TMEM135: variants seen among roughly 807,000 people sequenced by gnomAD.
TMEM135 encodes the protein transmembrane protein 135, also known as peroxisomal membrane protein 52.
Under a neutral mutation model 60.3 loss-of-function variants are expected in TMEM135, and 30 were observed. That is an observed-to-expected ratio of 0.50 (90% confidence interval 0.37 to 0.68). The LOEUF is 0.68. Among genes scored for constraint, TMEM135 ranks in the 30% least tolerant of loss-of-function variants. The pLI, the probability that TMEM135 is intolerant of heterozygous loss-of-function variation, is 0.00. For synonymous variants in TMEM135, 190 were observed against 186.7 expected (o/e 1.02, Z -0.14); for missense variants, 468 against 548.8 (o/e 0.85, Z 1.47).
intron 4 of TMEM135, among the ~76,000 whole-genome samples, chr11:87,141,670 A>G (rs1938265156): frequency 6.6e-6 from 1 of 152,152 alleles, no homozygotes; most frequent in South Asian, 2.1e-4. Flanking sequence ...TTTAGGTAGA[A>G]AGTTGTTCAC....
At position 87,143,523 on chromosome 11, in the gene TMEM135, T is replaced by C. The variant is rs182324880; in HGVS notation, c.397-13818T>C. 5.7e-3 allele frequency among the ~76,000 whole-genome samples: 867 copies of C among 152,300 alleles called. 4 individuals carry two copies. Among genetic ancestry groups the C allele is most frequent in the Non-Finnish European group, 8.0e-3 (545 of 68,032 alleles). ...TCTGCCCTCTGAAACTTCAAGCCAGTAGGCTTTTGCTTTCTTTCACCTGAG... is the reference window on the plus strand; with the variant it reads ...TCTGCCCTCTGAAACTTCAAGCCAGCAGGCTTTTGCTTTCTTTCACCTGAG... On this transcript the variant is annotated intron_variant, in intron 4 of 14. Transcript: ENST00000305494.
intron 4 of TMEM135, among the ~76,000 whole-genome samples, chr11:87,152,919 A>G (rs182790897): frequency 1.3e-5 from 2 of 152,234 alleles, no homozygotes; most frequent in East Asian, 1.9e-4. Context: ...GTTCTTACCT[A>G]TACTCTGAGG....
chr11:87,208,562 TAA>T (rs1262142504), intron 5 of TMEM135, among the ~76,000 whole-genome samples: 1 of 151,990 alleles, frequency 6.6e-6, no homozygotes, highest in African/African-American at 2.4e-5. Context: ...TGGGATTAGG[TAA>T]AGAGACCAAA....
intron 6 of TMEM135, among the ~76,000 whole-genome samples, chr11:87,256,262 C>T (rs1381016267): frequency 2.0e-5 from 3 of 152,198 alleles, no homozygotes; most frequent in Middle Eastern, 3.4e-3. Context: ...CTTTATACCT[C>T]AGTTTTAATT....
chr11:87,192,211 G>A (rs542523621), intron 5 of TMEM135, among the ~76,000 whole-genome samples: 2 of 150,100 alleles, frequency 1.3e-5, no homozygotes, highest in South Asian at 2.1e-4. Flanking sequence ...GGATGGTGTC[G>A]ATCTCCTAAC....
At chr11:87,221,875 TA>T (rs1236082388) in intron 5 of TMEM135, among the ~76,000 whole-genome samples, 1 of 152,178 alleles carries the variant, frequency 6.6e-6, no homozygotes, top group African/African-American at 2.4e-5. Flanking sequence ...GCTGAATTTT[TA>T]AAAATATTAA....
chr11:87,240,655 A>T (rs10898625), intron 6 of TMEM135, among the ~76,000 whole-genome samples: 16,470 of 152,190 alleles, frequency 0.11, 1,607 homozygotes, highest in African/African-American at 0.26. Flanking sequence ...GAAAAATGCA[A>T]CATTTAAAAA....
Position 87,284,748 on chromosome 11 carries a change from A to C in TMEM135, c.510-11034A>C, listed in dbSNP as rs993695997. 5.9e-5 allele frequency among the ~76,000 whole-genome samples: 9 copies of C among 152,236 alleles called. No individual in the cohort carries two copies. The South Asian group carries it at 8.3e-4, about 14-fold the overall frequency. On this transcript the variant is annotated intron_variant, in intron 6 of 14. Transcript: ENST00000305494. ...AAGTTATTGAAGATATAATGTGTTC[A>C]TAAAGGAAACAAAATAATCTTCCCC... is the stretch of plus-strand genomic sequence containing the variant.
intron 4 of TMEM135, among the ~76,000 whole-genome samples, chr11:87,124,005 T>G (rs923834172): frequency 1.3e-5 from 2 of 152,358 alleles, no homozygotes; most frequent in Admixed American, 6.5e-5. Context: ...AATGTTTTTC[T>G]CTTTCTACTC....
At chr11:87,211,239 G>T (rs944495337) in intron 5 of TMEM135, among the ~76,000 whole-genome samples, 2 of 152,138 alleles carry the variant, frequency 1.3e-5, no homozygotes, top group African/African-American at 4.8e-5. Flanking sequence ...CTTAGAATAT[G>T]AAATTTTAAT....
At chr11:87,294,228 G>A (rs1006735375) in intron 6 of TMEM135, among the ~76,000 whole-genome samples, 2 of 152,050 alleles carry the variant, frequency 1.3e-5, no homozygotes, top group Admixed American at 1.3e-4. Context: ...ACATCTCTGG[G>A]CATGTGGATT....
intron 4 of TMEM135, among the ~76,000 whole-genome samples, chr11:87,109,502 A>T (rs1454624648): frequency 1.3e-5 from 2 of 152,186 alleles, no homozygotes; most frequent in Non-Finnish European, 2.9e-5. Flanking sequence ...GTGTTGTGAG[A>T]TACTAAATTG....
chr11:87,097,382 C>T (rs985685328), intron 4 of TMEM135, among the ~76,000 whole-genome samples: 3 of 152,152 alleles, frequency 2.0e-5, no homozygotes, highest in African/African-American at 7.2e-5. Flanking sequence ...TCATGCTAAA[C>T]CCAAACTCAA....
At chr11:87,163,017 CTT>C (rs34718412) in intron 5 of TMEM135, among the ~76,000 whole-genome samples, 46 of 143,412 alleles carry the variant, frequency 3.2e-4, no homozygotes, top group East Asian at 1.0e-3. Context: ...TAAATGTCTT[CTT>C]TTTTTTTTTT....
intron 5 of TMEM135, among the ~76,000 whole-genome samples, chr11:87,222,216 T>G (rs1940639700): frequency 1.4e-5 from 2 of 139,758 alleles, no homozygotes; most frequent in Non-Finnish European, 3.1e-5. Context: ...TTATTGCTGG[T>G]CCGGGCATGG....
chr11:87,128,150 A>G (rs1937790570), intron 4 of TMEM135, among the ~76,000 whole-genome samples: 1 of 152,220 alleles, frequency 6.6e-6, no homozygotes, highest in Non-Finnish European at 1.5e-5. Flanking sequence ...CTTGGTTTCT[A>G]ACCTTAATTT....
At chr11:87,143,387 C>T (rs1366380206) in intron 4 of TMEM135, among the ~76,000 whole-genome samples, 1 of 149,340 alleles carries the variant, frequency 6.7e-6, no homozygotes, top group Admixed American at 6.7e-5. Flanking sequence ...TTTAAGCTGA[C>T]CATGGAGCAC....
chr11:87,218,083 G>A (rs1374869272), intron 5 of TMEM135, among the ~76,000 whole-genome samples: 4 of 152,026 alleles, frequency 2.6e-5, no homozygotes, highest in East Asian at 1.9e-4. Flanking sequence ...TTTAGTTGTC[G>A]TCATTGGTGG....
chr11:87,208,691 A>T (rs1244347618), intron 5 of TMEM135, among the ~76,000 whole-genome samples: 1 of 152,212 alleles, frequency 6.6e-6, no homozygotes, highest in Non-Finnish European at 1.5e-5. Context: ...AGAGGTTGAC[A>T]TGCAAATTCA....
Sources: gnomAD v4.1 joint callset for allele counts (sites outside exome capture counted in the v4.1 genomes callset) on GRCh38, gnomAD v4.1.1 for gene constraint, MANE v1.5 for transcripts, NCBI Gene and HGNC (gene_info 2026-07-23, HGNC 2026-07-21) for gene names.